The following HTR1F variants were observed in gnomAD, a reference collection of about 807,000 sequenced individuals.
The protein encoded by HTR1F is 5-hydroxytryptamine (serotonin) receptor 1F, G protein-coupled.
HTR1F carries 17 observed loss-of-function variants against 24.0 expected under a neutral mutation model. That is an observed-to-expected ratio of 0.71 (90% CI 0.48 to 1.06). HTR1F has a LOEUF of 1.06. Among genes scored for constraint, HTR1F ranks in the 50% least tolerant of loss-of-function variants. HTR1F has a pLI of 0.00. For missense variants in HTR1F, 391 were observed against 427.8 expected (o/e 0.91, Z 0.76); for synonymous variants, 186 against 156.8 (o/e 1.19, Z -1.39).
chr3:87,897,936 T>C (rs1231440374), intron 2 of HTR1F, among the ~76,000 whole-genome samples: 1 of 152,116 alleles, frequency 6.6e-6, no homozygotes, highest in Non-Finnish European at 1.5e-5. Flanking sequence ...AATTGGATTA[T>C]ATACATGTCT....
chr3:87,918,230 A>G (rs1474290079), intron 2 of HTR1F, among the ~76,000 whole-genome samples: 1 of 152,126 alleles, frequency 6.6e-6, no homozygotes, highest in Non-Finnish European at 1.5e-5. Context: ...TCAATATAAT[A>G]AAAGCCATCT....
chr3:87,930,839 A>G (rs1704246233), intron 2 of HTR1F, among the ~76,000 whole-genome samples: 1 of 152,142 alleles, frequency 6.6e-6, no homozygotes, highest in African/African-American at 2.4e-5. Flanking sequence ...ATACCTATAC[A>G]TATACATTTA....
Position 87,972,111 on chromosome 3 carries a change from C to T in HTR1F, c.-42-18597C>T, listed in dbSNP as rs72917722. Among the ~76,000 whole-genome samples, 766 of 152,240 alleles carry T rather than the reference C, an allele frequency of 5.0e-3. 2 individuals carry two copies. The highest frequency in any genetic ancestry group is 0.017 in the African/African-American group (698 of 41,542). ...ATAATGTTTGAGTGACTAGCAGGAA[C>T]CAAATTTTGTTCTAGGCCCAGGGAT... On this transcript the variant is annotated intron_variant, in intron 2 of 2. Transcript: ENST00000319595.
intron 2 of HTR1F, among the ~76,000 whole-genome samples, chr3:87,872,206 C>T (rs1238753273): frequency 3.3e-5 from 5 of 151,970 alleles, no homozygotes; most frequent in Non-Finnish European, 7.4e-5. Context: ...TATTTTGAGA[C>T]AAATGAAATG....
intron 1 of HTR1F, among the ~76,000 whole-genome samples, chr3:87,801,948 T>C (rs1416844977): frequency 6.6e-6 from 1 of 152,180 alleles, no homozygotes; most frequent in Non-Finnish European, 1.5e-5. Context: ...ATTTGTGATA[T>C]TTAGAAAAAT....
intron 2 of HTR1F, among the ~76,000 whole-genome samples, chr3:87,838,040 A>G (rs1390849378): frequency 2.6e-5 from 4 of 152,158 alleles, no homozygotes; most frequent in African/African-American, 9.6e-5. Flanking sequence ...CTTTCAGAAC[A>G]TAAAATGCTT....
chr3:87,858,765 A>G (rs1281605267), intron 2 of HTR1F, among the ~76,000 whole-genome samples: 1 of 152,192 alleles, frequency 6.6e-6, no homozygotes, highest in Non-Finnish European at 1.5e-5. Context: ...TGATAAAGAA[A>G]TGCTTTACCA....
chr3:87,960,165 T>C (rs917179189), intron 2 of HTR1F, among the ~76,000 whole-genome samples: 15 of 150,680 alleles, frequency 1.0e-4, no homozygotes, highest in Non-Finnish European at 1.6e-4. Flanking sequence ...AAAGCAGGCA[T>C]CAACATTTTT....
At chr3:87,845,433 C>T (rs1480425854) in intron 2 of HTR1F, among the ~76,000 whole-genome samples, 1 of 149,236 alleles carries the variant, frequency 6.7e-6, no homozygotes, top group Admixed American at 6.7e-5. Context: ...TTCCTATACA[C>T]CAACAACAGA....
chr3:87,978,766 A>AGGAGAGAG (rs1245479967), intron 2 of HTR1F, among the ~76,000 whole-genome samples: 1 of 150,962 alleles, frequency 6.6e-6, no homozygotes, highest in South Asian at 2.1e-4. Context: ...TGGGCCTAGA[A>AGGAGAGAG]GGAGAGAGGG....
At chr3:87,910,738 C>A (rs1040303712) in intron 2 of HTR1F, among the ~76,000 whole-genome samples, 1 of 152,036 alleles carries the variant, frequency 6.6e-6, no homozygotes, top group African/African-American at 2.4e-5. Flanking sequence ...CAATCCTCAG[C>A]AAATTCAAAA....
At chr3:87,833,970 C>A (rs1279166252) in intron 2 of HTR1F, among the ~76,000 whole-genome samples, 1 of 152,100 alleles carries the variant, frequency 6.6e-6, no homozygotes, top group Non-Finnish European at 1.5e-5. Flanking sequence ...GAAAAATTAT[C>A]TTGTTGTATC....
Position 87,990,903 on chromosome 3 carries a change from C to A in HTR1F, c.154C>A (p.Arg52=). Residue 52 remains arginine, a synonymous_variant, in exon 3 of 3, where the codon CGG becomes AGG. Coordinates refer to ENST00000319595, the MANE Select transcript of HTR1F (RefSeq NM_001322209.2). Reference sequence around the variant, plus strand: ...TGTGATCGCTGCAATTATTGTGACCCGGAAGCTGCACCATCCAGCCAATTA... The same window carrying A: ...TGTGATCGCTGCAATTATTGTGACCAGGAAGCTGCACCATCCAGCCAATTA... ...SLVIAAIIVT[R]KLHHPANYLI... is the part of the protein sequence containing the mutation. The A allele has an allele frequency of 1.2e-6, 2 of 1,614,132 alleles. No homozygotes were observed. The highest frequency in any genetic ancestry group is 1.7e-6 in the Non-Finnish European group (2 of 1,180,028).
At chr3:87,819,958 A>G (rs1230934706) in intron 1 of HTR1F, among the ~76,000 whole-genome samples, 1 of 152,130 alleles carries the variant, frequency 6.6e-6, no homozygotes, top group Non-Finnish European at 1.5e-5. Flanking sequence ...CAAGGTTATT[A>G]CAATGCTATA....
intron 1 of HTR1F, among the ~76,000 whole-genome samples, chr3:87,818,696 C>T (rs13093221): frequency 0.027 from 4,102 of 152,264 alleles, 64 homozygotes; most frequent in Middle Eastern, 0.048. Context: ...ACAGGTATAT[C>T]TTATCAAGTC....
intron 2 of HTR1F, among the ~76,000 whole-genome samples, chr3:87,843,378 T>G (rs1704851522): frequency 2.0e-5 from 3 of 151,856 alleles, no homozygotes; most frequent in Non-Finnish European, 2.9e-5. Flanking sequence ...TCTTCCTGAG[T>G]GCACTTTATA....
At chr3:87,936,250 T>C (rs1704412793) in intron 2 of HTR1F, among the ~76,000 whole-genome samples, 1 of 152,234 alleles carries the variant, frequency 6.6e-6, no homozygotes, top group Non-Finnish European at 1.5e-5. Flanking sequence ...AATAATTTTC[T>C]AAAAGAATAC....
chr3:87,945,916 C>T (rs931862264), intron 2 of HTR1F, among the ~76,000 whole-genome samples: 22 of 152,036 alleles, frequency 1.4e-4, no homozygotes, highest in African/African-American at 4.6e-4. Flanking sequence ...TCCAAAATGG[C>T]GGTGGGCCAC....
intron 2 of HTR1F, among the ~76,000 whole-genome samples, chr3:87,916,802 T>C (rs2107365296): frequency 6.6e-6 from 1 of 152,174 alleles, no homozygotes; most frequent in Non-Finnish European, 1.5e-5. Flanking sequence ...ACTAGACAGG[T>C]CATCAAGACA....
Sources: gnomAD v4.1 joint callset for allele counts (sites outside exome capture counted in the v4.1 genomes callset) on GRCh38, gnomAD v4.1.1 for gene constraint, MANE v1.5 for transcripts, NCBI Gene and HGNC (gene_info 2026-07-23, HGNC 2026-07-21) for gene names.